Variants in PRPF19 observed in about 807,000 individuals in gnomAD.
PRPF19 encodes pre-mRNA-processing factor 19.
Under a neutral mutation model 64.2 loss-of-function variants are expected in PRPF19, and 2 were observed. The ratio of observed to expected loss-of-function variants is 0.03; its 90% CI spans 0.01 to 0.10. PRPF19 has a LOEUF of 0.10. PRPF19 is among the 10% of genes least tolerant of loss of function. The probability of loss-of-function intolerance (pLI) is 1.00; values close to 1 mark genes in which losing one functional copy is unlikely to be tolerated. For synonymous variants in PRPF19, 226 were observed against 251.6 expected, an observed-to-expected ratio of 0.90 and a Z score of 0.96; for missense variants, 314 against 650.0, an observed-to-expected ratio of 0.48 and a Z score of 5.62.
At chr11:60,892,017 C>T (rs1246338867) in intron 15 of PRPF19, among the ~76,000 whole-genome samples, 1 of 152,212 alleles carries the variant, frequency 6.6e-6, no homozygotes, top group Non-Finnish European at 1.5e-5. Flanking sequence ...ACAGCAGTAG[C>T]TCCCATTCAT....
At position 60,899,135 on chromosome 11, in the gene PRPF19, G is replaced by A. The variant is rs1158039117; in HGVS notation, c.984+14C>T. The A allele has an allele frequency of 1.2e-6, 2 of 1,608,048 alleles. No individual in the cohort carries two copies. Among genetic ancestry groups the A allele is most frequent in the East Asian group, 2.2e-5 (1 of 44,766 alleles). Reference sequence around the variant, plus strand: ...GACCAGCAGGCCTCTCCAGGGCACTGGCTGGGACCGCACCTGATCATCGGA... The same window carrying A: ...GACCAGCAGGCCTCTCCAGGGCACTAGCTGGGACCGCACCTGATCATCGGA... On this transcript the variant is annotated intron_variant, in intron 11 of 15. Transcript: ENST00000227524.
rs186987358 is a variant in PRPF19 at position 60,903,316 on chromosome 11, G to A, written c.246+143C>T. 186 of 904,782 alleles carry A rather than the reference G, an allele frequency of 2.1e-4. 2 individuals carry two copies. Among genetic ancestry groups the A allele is most frequent in the East Asian group, 1.1e-3 (41 of 37,434 alleles). 56.0% of individuals were successfully genotyped at this position (904,782 alleles called of 1,614,324 possible). ...ACCAGGTGCTGCTCTCAGTGCTGGGGATACAACGAAGAATAAAACAAATCC... is the reference window on the plus strand; with the variant it reads ...ACCAGGTGCTGCTCTCAGTGCTGGGAATACAACGAAGAATAAAACAAATCC... On this transcript the variant is annotated intron_variant, in intron 3 of 15. Coordinates refer to ENST00000227524, the MANE Select transcript of PRPF19 (RefSeq NM_014502.5).
At position 60,891,255 on chromosome 11, in the gene PRPF19, C is replaced by T. The variant is rs769182079; in HGVS notation, c.1426G>A (p.Gly476Ser). The T allele has an allele frequency of 2.5e-5, 41 of 1,613,280 alleles. 1 individual carries two copies. In the East Asian group the frequency reaches 6.5e-4, roughly 25 times the overall value. ...CCGAAGGCCACCCCTGTGGTCAGGC[C>T]GCTATGCTCTGAGGAGAAAGATAAG... The part of the protein sequence containing the change: ...TEILHFTEHS[G>S]LTTGVAFGHH... The change falls in exon 16 of 16, where the codon GGC becomes AGC. Residue 476 changes from glycine (G) to serine (S), a missense_variant. Transcript: ENST00000227524.
chr11:60,903,608 G>C, intron 2 of PRPF19, 73 bp from the exon 3 acceptor site: 1 of 1,590,168 alleles, frequency 6.3e-7, no homozygotes, highest in Non-Finnish European at 8.6e-7. Context: ...TTTCCTTTTA[G>C]CCATAAACAG....
Position 60,900,911 on chromosome 11 carries a change from T to C in PRPF19, c.661A>G (p.Ile221Val). The C allele has an allele frequency of 6.2e-7, 1 of 1,614,118 alleles. No homozygotes were observed. Among genetic ancestry groups the C allele is most frequent in the South Asian group, 1.1e-5 (1 of 91,078 alleles). Residue 221 changes from isoleucine to valine, a missense_variant, in exon 9 of 16, where the codon ATT (isoleucine) becomes GTT (valine). Coordinates refer to ENST00000227524, the MANE Select transcript of PRPF19 (RefSeq NM_014502.5). ...ASHVGLHSASIPGILALDLCP... is the reference protein window; with the variant it reads ...ASHVGLHSASVPGILALDLCP... ...AGGTCCAGGGCCAGGATCCCAGGAA[T>C]GCTGGCACTGTGCAACCCCTTTGCA...
chr11:60,901,779 C>G (rs1228394048), intron 6 of PRPF19, among the ~76,000 whole-genome samples: 1 of 152,104 alleles, frequency 6.6e-6, no homozygotes, highest in Non-Finnish European at 1.5e-5. Flanking sequence ...AGTCAATTGC[C>G]CAAGGTCGCA....
chr11:60,904,495 C>T (rs1292662392), intron 1 of PRPF19, among the ~76,000 whole-genome samples: 3 of 152,194 alleles, frequency 2.0e-5, no homozygotes, highest in South Asian at 2.1e-4. Flanking sequence ...AGATGCCAAT[C>T]GCAAGCCCCA....
At chr11:60,905,367 T>G (rs1205492495) in intron 1 of PRPF19, 3 of 152,232 alleles carry the variant, frequency 2.0e-5, no homozygotes, top group African/African-American at 7.2e-5. Context: ...GAAGGTACTT[T>G]GCGAGCTGTA....
intron 15 of PRPF19, among the ~76,000 whole-genome samples, chr11:60,894,362 A>T (rs1855897819): frequency 6.6e-6 from 1 of 152,230 alleles, no homozygotes; most frequent in Non-Finnish European, 1.5e-5. Flanking sequence ...TCATTTCAAC[A>T]ATGTTCACGG....
Position 60,898,237 on chromosome 11 carries a change from G to T in PRPF19, c.1175C>A (p.Ser392Ter). ...RTNVANFPGH[S>*]GPITSIAFSE... The stretch of plus-strand genomic sequence containing the variant: ...GAAGGCGATGCTAGTGATGGGGCCC[G>T]AGTGGCCAGGGAAGTTGGCCACATT... Residue 392 changes from serine (S) to a stop codon, truncating the protein, a stop_gained, in exon 14 of 16, where the codon TCG (serine) becomes TAG (stop). Transcript: ENST00000227524. LOFTEE classifies it high-confidence loss of function. This position sits in a 1 kb window ranked among gnomAD's most constrained non-coding sequence, Gnocchi z 4.6. 1 of 1,613,992 alleles carries T rather than the reference G, an allele frequency of 6.2e-7. No homozygotes were observed. The highest frequency in any genetic ancestry group is 1.1e-5 in the South Asian group (1 of 91,068).
chr11:60,891,080 C>CCCCAAG lies in PRPF19; in HGVS notation c.*85_*86insCTTGGG. 2 of 185,966 alleles carry CCCCAAG rather than the reference C, an allele frequency of 1.1e-5. No individual in the cohort carries two copies. The highest frequency in any genetic ancestry group is 2.0e-5 in the Non-Finnish European group (2 of 98,008). 11.5% of individuals were successfully genotyped at this position (185,966 alleles called of 1,614,324 possible). On this transcript the variant is annotated 3_prime_UTR_variant, in exon 16 of 16. Transcript: ENST00000227524. The stretch of plus-strand genomic sequence containing the variant: ...CCCACCCCACAGAGCCCCCTCCCCC[C>CCCCAAG]ATAGATTCCCCCCACCCCCCCCCCC...
Position 60,906,360 on chromosome 11 carries a change from T to C in PRPF19, c.19+4A>G. The C allele has an allele frequency of 6.3e-7, 1 of 1,599,744 alleles. No homozygotes were observed. Among genetic ancestry groups the C allele is most frequent in the Non-Finnish European group, 8.5e-7 (1 of 1,174,782 alleles). ...ACCCGCGCTTGGCCGCAGCCAACAC[T>C]CACTGGAGCAGATTAGGGACATGGC... On this transcript the variant is annotated splice_donor_region_variant and intron_variant, in intron 1 of 15. Coordinates refer to ENST00000227524, the MANE Select transcript of PRPF19 (RefSeq NM_014502.5).
In PRPF19 at chr11:60,903,465, A is replaced by G. The variant is rs146143243; in HGVS notation, c.240T>C (p.Asp80=). 6.2e-7 allele frequency: 1 copy of G among 1,613,404 alleles called. No individual in the cohort carries two copies. The highest frequency in any genetic ancestry group is 8.5e-7 in the Non-Finnish European group (1 of 1,179,696). Residue 80 remains aspartate (D), a synonymous_variant, in exon 3 of 16, where the codon GAT becomes GAC. Coordinates refer to ENST00000227524, the MANE Select transcript of PRPF19 (RefSeq NM_014502.5). The stretch of plus-strand genomic sequence containing the variant: ...TTCTCTTGCAGGAACTCACCCACTC[A>G]TCCTGCAAAGCTTTCAGAATGGCCG... The part of the protein sequence containing the change: ...SIPAILKALQ[D]EWDAVMLHSF...
chr11:60,905,441 A>T (rs917071689), intron 1 of PRPF19: 8 of 152,254 alleles, frequency 5.3e-5, no homozygotes, highest in Non-Finnish European at 1.0e-4. Context: ...TCTTTGGATC[A>T]ATGTACAGGT....
intron 2 of PRPF19, 80 bp from the exon 3 acceptor site, chr11:60,903,615 A>G (rs1856010011): frequency 6.3e-7 from 1 of 1,589,782 alleles, no homozygotes; most frequent in Non-Finnish European, 8.6e-7. Context: ...TTAGCCATAA[A>G]CAGCCCACCA....
intron 1 of PRPF19, among the ~76,000 whole-genome samples, chr11:60,904,716 C>T (rs192936878): frequency 6.2e-4 from 95 of 152,300 alleles, no homozygotes; most frequent in African/African-American, 2.1e-3. Context: ...CATGCCTTCC[C>T]TGGGCACCCC....
intron 15 of PRPF19, among the ~76,000 whole-genome samples, chr11:60,893,811 C>T (rs555369036): frequency 9.9e-5 from 15 of 152,044 alleles, no homozygotes; most frequent in African/African-American, 3.4e-4. Flanking sequence ...AAAAATTAGC[C>T]GGGTGTGATG....
At chr11:60,895,043 GC>G (rs1353711259) in intron 15 of PRPF19, among the ~76,000 whole-genome samples, 1 of 152,158 alleles carries the variant, frequency 6.6e-6, no homozygotes, top group Non-Finnish European at 1.5e-5. Flanking sequence ...CTTCTTAAGG[GC>G]CCTACAATTT....
rs1008624103 is a variant in PRPF19, at chr11:60,900,728, G to A, written c.719-37C>T. Reference sequence around the variant, plus strand: ...CCAAAAAGACCAAACAATGAGTCAGGCCCACCCAGGCCCTTTTGCTCAAGG... The same window carrying A: ...CCAAAAAGACCAAACAATGAGTCAGACCCACCCAGGCCCTTTTGCTCAAGG... On this transcript the variant is annotated intron_variant, in intron 9 of 15. Transcript: ENST00000227524. The A allele has an allele frequency of 1.1e-5, 17 of 1,557,510 alleles. No homozygotes were observed. In the Admixed American group the frequency reaches 2.3e-4, roughly 21 times the overall value.
Sources: gnomAD v4.1 joint callset for allele counts (sites outside exome capture counted in the v4.1 genomes callset) on GRCh38, gnomAD v4.1.1 for gene constraint, Gnocchi (gnomAD v3.1) non-coding constraint, MANE v1.5 for transcripts, NCBI Gene and HGNC (gene_info 2026-07-23, HGNC 2026-07-21) for gene names.